Variants in CMIP observed in about 807,000 individuals in gnomAD.
CMIP encodes C-Maf-inducing protein.
In CMIP, 13 loss-of-function variants were observed where a neutral mutation model predicts 97.3. The observed-to-expected ratio is 0.13, with a 90% CI of 0.09 to 0.21. CMIP has a LOEUF of 0.21. CMIP is among the 10% of genes least tolerant of loss of function. The pLI is 1.00. For missense variants in CMIP, 847 were observed against 1,024.9 expected, an observed-to-expected ratio of 0.83 and a Z score of 2.37; for synonymous variants, 538 against 436.3, an observed-to-expected ratio of 1.23 and a Z score of -2.91.
chr16:81,640,770 G>GTGTGTGTGTGTGTGTC (rs376370488), intron 3 of CMIP, among the ~76,000 whole-genome samples: 20,692 of 134,856 alleles, frequency 0.15, 2,080 homozygotes, highest in Non-Finnish European at 0.22. Context: ...GTGTGTGTGT[G>GTGTGTGTGTGTGTGTC]TCTCTCTCTC....
intron 1 of CMIP, among the ~76,000 whole-genome samples, chr16:81,535,053 C>A (rs2090315229): frequency 6.6e-6 from 1 of 152,118 alleles, no homozygotes; most frequent in South Asian, 2.1e-4. Context: ...CGGGTTCATG[C>A]CATTCTCCTG....
intron 1 of CMIP, among the ~76,000 whole-genome samples, chr16:81,562,346 T>G (rs2090899341): frequency 6.6e-6 from 1 of 152,238 alleles, no homozygotes; most frequent in African/African-American, 2.4e-5. Context: ...CTGGGTCTTC[T>G]TAGTCCTGAC....
At chr16:81,481,359 CTG>C (rs146656668) in intron 1 of CMIP, among the ~76,000 whole-genome samples, 2,191 of 152,298 alleles carry the variant, frequency 0.014, 53 homozygotes, top group African/African-American at 0.05. Flanking sequence ...CCTTGAGCGA[CTG>C]TGTGTAACAG....
chr16:81,571,856 C>T (rs1238103146), intron 1 of CMIP, among the ~76,000 whole-genome samples: 1 of 152,232 alleles, frequency 6.6e-6, no homozygotes, highest in Non-Finnish European at 1.5e-5. Flanking sequence ...TAGCCTCTTG[C>T]ACTAACAAGG....
intron 20 of CMIP, among the ~76,000 whole-genome samples, chr16:81,709,359 G>A: frequency 6.6e-6 from 1 of 152,192 alleles, no homozygotes; most frequent in Non-Finnish European, 1.5e-5. Context: ...CATCCTTTGA[G>A]CCAGGGACTA....
At chr16:81,565,488 G>A (rs1182412017) in intron 1 of CMIP, among the ~76,000 whole-genome samples, 1 of 152,204 alleles carries the variant, frequency 6.6e-6, no homozygotes, top group African/African-American at 2.4e-5. Context: ...GCAGACTGCA[G>A]CTCAGCATTG....
intron 13 of CMIP, among the ~76,000 whole-genome samples, chr16:81,694,754 G>T (rs1299372455): frequency 2.0e-5 from 3 of 152,162 alleles, no homozygotes; most frequent in Admixed American, 2.0e-4. Context: ...GGTTCTGAGG[G>T]GCTGGTCTCC....
chr16:81,606,238 C>T (rs1326435321), intron 1 of CMIP, among the ~76,000 whole-genome samples: 1 of 152,200 alleles, frequency 6.6e-6, no homozygotes, highest in Non-Finnish European at 1.5e-5. Flanking sequence ...GGGCAAATCA[C>T]GTGACCTCCT....
chr16:81,665,955 AAATG>A (rs2092598660), intron 7 of CMIP: 1 of 152,228 alleles, frequency 6.6e-6, no homozygotes, highest in South Asian at 2.1e-4. Context: ...TGCAAACTGT[AAATG>A]AATTGTTGCT....
rs534148964 is a variant in CMIP at position 81,671,918 on chromosome 16, G to C, written c.930-48G>C. 2.9e-6 allele frequency: 3 copies of C among 1,025,634 alleles called. No homozygotes were observed. The African/African-American group carries it at 4.7e-5, about 16-fold the overall frequency. 63.5% of individuals were successfully genotyped at this position (1,025,634 alleles called of 1,614,324 possible). ...CCTTTCCCCCCTTACCCTGTCCATG[G>C]GCCCCACTCCTGCAGGCTTCTCACC... On this transcript the variant is annotated intron_variant, in intron 8 of 20. Transcript: ENST00000537098.
chr16:81,646,602 A>G (rs2092367285), intron 3 of CMIP, among the ~76,000 whole-genome samples: 1 of 152,340 alleles, frequency 6.6e-6, no homozygotes, highest in African/African-American at 2.4e-5. Flanking sequence ...CATTTCCACC[A>G]TCTTGAAAGA....
chr16:81,696,187 T>C (rs372341113), intron 13 of CMIP: 61 of 306,368 alleles, frequency 2.0e-4, no homozygotes, highest in African/African-American at 1.3e-3. Context: ...GAGGAAGGCA[T>C]AGCAGAAGGA....
intron 1 of CMIP, among the ~76,000 whole-genome samples, chr16:81,544,290 C>T (rs1043747323): frequency 6.6e-6 from 1 of 152,212 alleles, no homozygotes; most frequent in African/African-American, 2.4e-5. Flanking sequence ...GAGACCGAGG[C>T]TGGAGGGTCA....
At chr16:81,635,163 G>A (rs2092218310) in intron 3 of CMIP, among the ~76,000 whole-genome samples, 2 of 152,066 alleles carry the variant, frequency 1.3e-5, no homozygotes, top group Admixed American at 1.3e-4. Flanking sequence ...CCCTGAAAAT[G>A]CCACCTTATA....
intron 1 of CMIP, among the ~76,000 whole-genome samples, chr16:81,470,161 A>C (rs1188234493): frequency 3.3e-5 from 5 of 152,262 alleles, no homozygotes; most frequent in Non-Finnish European, 7.3e-5. Context: ...AGAGAATTTC[A>C]AAAGAAGATG....
intron 6 of CMIP, 47 bp from the exon 7 acceptor site, chr16:81,664,222 C>G: frequency 6.5e-7 from 1 of 1,542,916 alleles, no homozygotes; most frequent in Non-Finnish European, 8.8e-7. Flanking sequence ...GGGCTGTGTT[C>G]AGAACATTCT....
chr16:81,670,036 G>A, intron 7 of CMIP, 106 bp from the exon 8 acceptor site: 2 of 1,072,926 alleles, frequency 1.9e-6, no homozygotes, highest in East Asian at 2.6e-5. Flanking sequence ...CACATCAACA[G>A]CTCCAGGCAG....
At chr16:81,567,746 T>C (rs2091008480) in intron 1 of CMIP, among the ~76,000 whole-genome samples, 1 of 152,224 alleles carries the variant, frequency 6.6e-6, no homozygotes. Flanking sequence ...ACTGACCACC[T>C]TCTAAAGGGC....
chr16:81,680,563 G>A (rs546560087), intron 10 of CMIP, among the ~76,000 whole-genome samples: 4 of 152,332 alleles, frequency 2.6e-5, no homozygotes, highest in South Asian at 4.1e-4. Flanking sequence ...GCCCCGCCTC[G>A]TGGTCCCAGC....
Sources: gnomAD v4.1 joint callset for allele counts (sites outside exome capture counted in the v4.1 genomes callset) on GRCh38, gnomAD v4.1.1 for gene constraint, MANE v1.5 for transcripts, NCBI Gene and HGNC (gene_info 2026-07-23, HGNC 2026-07-21) for gene names.